Variants in XYLT1 observed in about 807,000 individuals in gnomAD.
XYLT1 encodes the protein xylosyltransferase 1, also known as beta-D-xylosyltransferase 1.
Under a neutral mutation model 91.3 loss-of-function variants are expected in XYLT1, and 36 were observed. That is an observed-to-expected ratio of 0.39 (90% CI 0.30 to 0.52). The LOEUF (loss-of-function observed/expected upper bound fraction) is 0.52, where lower values mean the gene tolerates loss of function less well. Ranked by LOEUF, XYLT1 falls within the 20% of genes least tolerant of loss-of-function variation. The pLI is 0.68. For missense variants in XYLT1, 1,242 were observed against 1,284.5 expected (o/e 0.97, Z 0.51); for synonymous variants, 588 against 532.0 (o/e 1.11, Z -1.45).
At chr16:17,135,748 G>A (rs2030694174) in intron 8 of XYLT1, among the ~76,000 whole-genome samples, 2 of 152,198 alleles carry the variant, frequency 1.3e-5, no homozygotes, top group South Asian at 2.1e-4. Flanking sequence ...CTAAGCACCT[G>A]TAAGCTACCA....
chr16:17,117,687 A>G lies in XYLT1; in HGVS notation c.2516T>C (p.Val839Ala). 1.2e-6 allele frequency: 2 copies of G among 1,614,106 alleles called. No homozygotes were observed. Among genetic ancestry groups the G allele is most frequent in the Non-Finnish European group, 1.7e-6 (2 of 1,179,958 alleles). Residue 839 changes from valine to alanine, a missense_variant, in exon 11 of 12, where the codon GTT (valine) becomes GCT (alanine). This residue lies in a region of XYLT1 where 511 missense variants were observed against 497.0 expected (regional missense o/e 1.03). Coordinates refer to ENST00000261381, the MANE Select transcript of XYLT1 (RefSeq NM_022166.4). ...WVPVAETKFL[V>A]APLTFSNRQP... Reference sequence around the variant, plus strand: ...CCTGTTCGAGAAGGTCAGAGGCGCAACGAGGAATTTGGTCTCTGCAACTGG... The same window carrying G: ...CCTGTTCGAGAAGGTCAGAGGCGCAGCGAGGAATTTGGTCTCTGCAACTGG...
chr16:17,413,800 G>C (rs555176819), intron 1 of XYLT1, among the ~76,000 whole-genome samples: 1 of 152,186 alleles, frequency 6.6e-6, no homozygotes, highest in South Asian at 2.1e-4. Context: ...CCCGTTCTTA[G>C]AGATAGCAAA....
intron 5 of XYLT1, among the ~76,000 whole-genome samples, chr16:17,174,439 A>C (rs2031894597): frequency 6.6e-6 from 1 of 152,230 alleles, no homozygotes; most frequent in Admixed American, 6.5e-5. Context: ...AGTCAGCCAT[A>C]GAAAGAGATG....
intron 3 of XYLT1, among the ~76,000 whole-genome samples, chr16:17,256,038 AC>A (rs1175494891): frequency 6.6e-6 from 1 of 152,132 alleles, no homozygotes. Context: ...CAGATAGAAA[AC>A]AAAAGTATTG....
At chr16:17,173,813 C>T (rs1290602911) in intron 5 of XYLT1, among the ~76,000 whole-genome samples, 1 of 152,198 alleles carries the variant, frequency 6.6e-6, no homozygotes, top group African/African-American at 2.4e-5. Context: ...CTTGCGGTAC[C>T]ACCTTGCAGG....
intron 3 of XYLT1, among the ~76,000 whole-genome samples, chr16:17,215,199 T>C (rs2032833068): frequency 6.6e-6 from 1 of 152,028 alleles, no homozygotes; most frequent in Non-Finnish European, 1.5e-5. Context: ...CTATTAAAAA[T>C]ACAAAAATTA....
intron 3 of XYLT1, among the ~76,000 whole-genome samples, chr16:17,253,997 A>T (rs188334572): frequency 1.8e-4 from 27 of 152,322 alleles, no homozygotes; most frequent in African/African-American, 4.8e-4. Flanking sequence ...CAGCTCTGTC[A>T]TCTGCTGGCC....
chr16:17,204,809 C>T (rs2032610706), intron 3 of XYLT1, among the ~76,000 whole-genome samples: 1 of 152,098 alleles, frequency 6.6e-6, no homozygotes. Context: ...CTCAATCAAA[C>T]TGTCCTCATT....
intron 7 of XYLT1, among the ~76,000 whole-genome samples, chr16:17,140,354 A>G (rs1372547865): frequency 6.6e-6 from 1 of 152,158 alleles, no homozygotes; most frequent in African/African-American, 2.4e-5. Context: ...GTCATTGTGA[A>G]GGATGCGTCA....
In XYLT1 at chr16:17,125,667, C is replaced by T. The variant is rs896098785; in HGVS notation, c.2223+1999G>A. Among the ~76,000 whole-genome samples the T allele has an allele frequency of 3.9e-5, 6 of 152,276 alleles. No individual in the cohort carries two copies. In the South Asian group the frequency reaches 1.0e-3, roughly 26 times the overall value. On this transcript the variant is annotated intron_variant, in intron 10 of 11. Coordinates refer to ENST00000261381, the MANE Select transcript of XYLT1 (RefSeq NM_022166.4). ...CAATCATTCTATTGAAGGTTGTCCC[C>T]ATCAATGTCCTGAGTCCCCAGCAAT...
intron 3 of XYLT1, among the ~76,000 whole-genome samples, chr16:17,223,854 A>G (rs1398945772): frequency 6.6e-6 from 1 of 152,228 alleles, no homozygotes; most frequent in African/African-American, 2.4e-5. Flanking sequence ...GAGAAGCTCT[A>G]TCTACCAAAT....
At chr16:17,269,690 A>G (rs1032531583) in intron 2 of XYLT1, among the ~76,000 whole-genome samples, 2 of 152,138 alleles carry the variant, frequency 1.3e-5, no homozygotes, top group Non-Finnish European at 2.9e-5. Flanking sequence ...CATTTGAGTC[A>G]CACATAGACC....
chr16:17,209,657 A>G (rs2032722335), intron 3 of XYLT1, among the ~76,000 whole-genome samples: 1 of 152,242 alleles, frequency 6.6e-6, no homozygotes, highest in South Asian at 2.1e-4. Context: ...TTAGGAGGTC[A>G]CTTTGCCTCT....
chr16:17,388,712 A>C (rs566150627), intron 1 of XYLT1, among the ~76,000 whole-genome samples: 1 of 152,358 alleles, frequency 6.6e-6, no homozygotes, highest in African/African-American at 2.4e-5. Flanking sequence ...AAGGCTAGGC[A>C]AAAAGGAGTT....
chr16:17,353,290 C>G (rs115986949), intron 2 of XYLT1, among the ~76,000 whole-genome samples: 1 of 152,206 alleles, frequency 6.6e-6, no homozygotes, highest in South Asian at 2.1e-4. Context: ...TATCTCCCAA[C>G]GTATCTCAGT....
chr16:17,317,629 CAAAAAAAAAA>C (rs35666149), intron 2 of XYLT1, among the ~76,000 whole-genome samples: 5 of 57,992 alleles, frequency 8.6e-5, no homozygotes, highest in South Asian at 9.3e-4. Context: ...GACGCTGTCT[CAAAAAAAAAA>C]AAAAAAAAAA....
At chr16:17,379,763 T>TCTCTCTCTCTCA (rs373354877) in intron 1 of XYLT1, among the ~76,000 whole-genome samples, 5 of 125,546 alleles carry the variant, frequency 4.0e-5, no homozygotes, top group African/African-American at 6.3e-5. Context: ...TCTCTCTCTC[T>TCTCTCTCTCTCA]CACACACACA....
At chr16:17,177,881 C>G (rs909707752) in intron 5 of XYLT1, among the ~76,000 whole-genome samples, 6 of 152,218 alleles carry the variant, frequency 3.9e-5, no homozygotes, top group African/African-American at 1.4e-4. Context: ...AGCAACTTGC[C>G]TGGTCAACCA....
chr16:17,418,079 G>C (rs1309422177), intron 1 of XYLT1, among the ~76,000 whole-genome samples: 1 of 152,190 alleles, frequency 6.6e-6, no homozygotes, highest in Non-Finnish European at 1.5e-5. Context: ...AGAAATCCAA[G>C]AAAGAACCAT....
Sources: allele counts gnomAD v4.1 joint callset (sites outside exome capture counted in the v4.1 genomes callset), GRCh38; gene constraint gnomAD v4.1.1; regional missense constraint gnomAD v4.1.1; transcripts MANE v1.5; gene names NCBI Gene and HGNC (gene_info 2026-07-23, HGNC 2026-07-21).